Variants in ZNF385D observed in about 807,000 individuals in gnomAD.
ZNF385D encodes zinc finger protein 385D.
A neutral mutation model predicts 35.8 loss-of-function variants in ZNF385D; 15 were observed. The observed-to-expected ratio is 0.42, with a 90% CI of 0.28 to 0.64. ZNF385D has a LOEUF of 0.64. Ranked by LOEUF, ZNF385D falls within the 30% of genes least tolerant of loss-of-function variation. The pLI, the probability that ZNF385D is intolerant of heterozygous loss-of-function variation, is 0.23. For synonymous variants in ZNF385D, 212 were observed against 186.8 expected (o/e 1.13, Z -1.10); for missense variants, 474 against 494.6 (o/e 0.96, Z 0.39).
intron 4 of ZNF385D, among the ~76,000 whole-genome samples, chr3:21,449,185 T>G (rs1702316899): frequency 1.3e-5 from 2 of 151,876 alleles, no homozygotes. Flanking sequence ...TAAAGTATGC[T>G]AAGAATTAAT....
intron 2 of ZNF385D, among the ~76,000 whole-genome samples, chr3:22,330,482 C>G (rs1694883765): frequency 6.6e-6 from 1 of 152,014 alleles, no homozygotes; most frequent in African/African-American, 2.4e-5. Flanking sequence ...CCCTTTATTT[C>G]TTCTTTTATA....
intron 2 of ZNF385D, among the ~76,000 whole-genome samples, chr3:22,246,254 A>G (rs914217660): frequency 2.0e-5 from 3 of 152,228 alleles, no homozygotes; most frequent in Admixed American, 2.0e-4. Context: ...TCTATAACTA[A>G]TAGCAAAATT....
At chr3:22,230,638 G>C (rs1244633688) in intron 2 of ZNF385D, among the ~76,000 whole-genome samples, 3 of 152,128 alleles carry the variant, frequency 2.0e-5, no homozygotes, top group African/African-American at 7.2e-5. Flanking sequence ...TACATTAATT[G>C]TTCAAGTTAG....
intron 2 of ZNF385D, among the ~76,000 whole-genome samples, chr3:22,224,027 C>T (rs1247126865): frequency 6.6e-6 from 1 of 152,110 alleles, no homozygotes; most frequent in African/African-American, 2.4e-5. Context: ...TGAAATAATA[C>T]ATTACAGTAT....
chr3:21,810,442 C>T (rs2072866609), intron 3 of ZNF385D, among the ~76,000 whole-genome samples: 1 of 151,988 alleles, frequency 6.6e-6, no homozygotes, highest in African/African-American at 2.4e-5. Context: ...TTGATGGGTG[C>T]AGCACACCAA....
chr3:22,045,364 C>T (rs1388102051), intron 3 of ZNF385D, among the ~76,000 whole-genome samples: 4 of 152,012 alleles, frequency 2.6e-5, no homozygotes, highest in Non-Finnish European at 5.9e-5. Context: ...CAGTAAAGAG[C>T]TAAAGGAGAG....
At chr3:21,669,332 C>T (rs2066493225) in intron 1 of ZNF385D, among the ~76,000 whole-genome samples, 1 of 152,234 alleles carries the variant, frequency 6.6e-6, no homozygotes, top group Non-Finnish European at 1.5e-5. Flanking sequence ...TCTTCTCCCT[C>T]CTTTTTTGAT....
intron 3 of ZNF385D, among the ~76,000 whole-genome samples, chr3:22,012,310 T>C (rs1024405077): frequency 2.6e-5 from 4 of 152,196 alleles, no homozygotes; most frequent in South Asian, 4.1e-4. Flanking sequence ...AAGTATGGAG[T>C]CTACTAACAA....
rs148709544 is a variant in ZNF385D, at chr3:21,614,846, C to T, written c.165+50040G>A. ...TCGTGATCTGCCTGCCTCGGCCTCC[C>T]GAAGTGCTGGGATTACAGGCATAAG... On this transcript the variant is annotated intron_variant, in intron 2 of 7. Transcript: ENST00000281523. Among the ~76,000 whole-genome samples, 272 of 152,266 alleles carry T rather than the reference C, an allele frequency of 1.8e-3. 3 individuals carry two copies. The highest frequency in any genetic ancestry group is 0.011 in the East Asian group (58 of 5,158).
intron 2 of ZNF385D, among the ~76,000 whole-genome samples, chr3:22,205,356 AAG>A: frequency 6.6e-6 from 1 of 151,994 alleles, no homozygotes; most frequent in Non-Finnish European, 1.5e-5. Context: ...CCTGTGCTAT[AAG>A]AAATGCTATA....
In ZNF385D at chr3:22,222,651, A is replaced by G. The variant is rs563408767; in HGVS notation, c.107-53616T>C. ...TACTGCTCTGAAGCTCAGTGTTTTC[A>G]TCTGTAATATGGGAATAACAATAAT... is the stretch of plus-strand genomic sequence containing the variant. On this transcript the variant is annotated intron_variant, in intron 2 of 5. Coordinates refer to the ZNF385D transcript ENST00000494108. Among the ~76,000 whole-genome samples the G allele has an allele frequency of 2.0e-5, 3 of 152,300 alleles. No homozygotes were observed. In the South Asian group the frequency reaches 6.2e-4, roughly 32 times the overall value.
intron 2 of ZNF385D, among the ~76,000 whole-genome samples, chr3:21,659,522 G>C (rs951270778): frequency 2.0e-5 from 3 of 152,076 alleles, no homozygotes; most frequent in African/African-American, 7.2e-5. Context: ...TGTAACCAGA[G>C]TCCTGAGCAA....
intron 3 of ZNF385D, chr3:21,511,626 G>T (rs955674689): frequency 2.2e-6 from 1 of 451,532 alleles, no homozygotes; most frequent in East Asian, 7.0e-5. Context: ...TCTTACCAAG[G>T]GTAGTCTGAG....
chr3:22,164,505 G>C (rs919884139), intron 3 of ZNF385D, among the ~76,000 whole-genome samples: 2 of 151,716 alleles, frequency 1.3e-5, no homozygotes, highest in East Asian at 3.9e-4. Context: ...AGGATTACAG[G>C]CATGAGCCAC....
At chr3:21,688,252 A>G (rs1339478790) in intron 1 of ZNF385D, among the ~76,000 whole-genome samples, 1 of 152,184 alleles carries the variant, frequency 6.6e-6, no homozygotes, top group South Asian at 2.1e-4. Context: ...TATCTTAAAT[A>G]TACTTCTAAA....
chr3:22,079,917 T>TAC, intron 3 of ZNF385D, among the ~76,000 whole-genome samples: 1 of 151,950 alleles, frequency 6.6e-6, no homozygotes, highest in African/African-American at 2.4e-5. Flanking sequence ...TGTATGTATA[T>TAC]GTGTGTACAT....
At chr3:22,127,221 T>C (rs1703484822) in intron 3 of ZNF385D, among the ~76,000 whole-genome samples, 1 of 151,878 alleles carries the variant, frequency 6.6e-6, no homozygotes, top group Non-Finnish European at 1.5e-5. Flanking sequence ...GTTATTTCTT[T>C]TCTGGTTGTT....
At position 22,279,193 on chromosome 3, in the gene ZNF385D, T is replaced by G. The variant is rs905716287; in HGVS notation, c.106+93257A>C. On this transcript the variant is annotated intron_variant, in intron 2 of 5. Transcript: ENST00000494108. The stretch of plus-strand genomic sequence containing the variant: ...TTATTTAGTGGCCAATTCTGAGATC[T>G]TGGTGTACTCATCACCCAAGCAATG... Among the ~76,000 whole-genome samples, 19 of 152,048 alleles carry G rather than the reference T, an allele frequency of 1.2e-4. No homozygotes were observed. The East Asian group carries it at 3.5e-3, about 28-fold the overall frequency.
chr3:21,716,776 TTTG>T (rs772301176), intron 1 of ZNF385D, among the ~76,000 whole-genome samples: 35 of 152,284 alleles, frequency 2.3e-4, no homozygotes, highest in East Asian at 1.7e-3. Flanking sequence ...GGTTAGAATT[TTTG>T]TTGTTGTTGT....
Sources: allele counts gnomAD v4.1 joint callset (sites outside exome capture counted in the v4.1 genomes callset), GRCh38; gene constraint gnomAD v4.1.1; transcripts MANE v1.5; gene names NCBI Gene and HGNC (gene_info 2026-07-23, HGNC 2026-07-21).